Variants in MAP4 observed in about 807,000 individuals in gnomAD.
The protein encoded by MAP4 is microtubule associated protein 4.
MAP4 carries 76 observed loss-of-function variants against 170.2 expected under a neutral mutation model. The ratio of observed to expected loss-of-function variants is 0.45; its 90% confidence interval spans 0.37 to 0.54. The LOEUF is 0.54. MAP4 is among the 20% of genes least tolerant of loss of function. MAP4 has a pLI of 0.00. For synonymous variants in MAP4, 909 were observed against 994.5 expected, an observed-to-expected ratio of 0.91 and a Z score of 1.62; for missense variants, 2,506 against 2,748.0, an observed-to-expected ratio of 0.91 and a Z score of 1.97.
At chr3:48,011,163 T>C (rs2100105044) in intron 1 of MAP4, among the ~76,000 whole-genome samples, 3 of 152,258 alleles carry the variant, frequency 2.0e-5, no homozygotes, top group East Asian at 3.9e-4. Flanking sequence ...ATTCCACTAT[T>C]TGAATAACCA....
intron 1 of MAP4, among the ~76,000 whole-genome samples, chr3:48,040,087 T>C (rs1008585203): frequency 1.2e-4 from 19 of 152,142 alleles, no homozygotes; most frequent in Non-Finnish European, 2.6e-4. Context: ...TTGGAATCTC[T>C]AAGGACTACA....
rs1238942521 is a variant in MAP4, at chr3:47,916,815, T to C, written c.1012A>G (p.Thr338Ala). ...VSSAKNVVLP[T>A]ETEVAPAKDV... The stretch of plus-strand genomic sequence containing the variant: ...TTGGCTGGGGCTACCTCTGTTTCTG[T>C]GGGCAGTACCACATTCTTGGCTGAA... The change falls in exon 7 of 21, where the codon ACA becomes GCA. Residue 338 changes from threonine (T) to alanine (A), a missense_variant. Transcript: ENST00000683076. 1 of 1,614,140 alleles carries C rather than the reference T, an allele frequency of 6.2e-7. No individual in the cohort carries two copies. The highest frequency in any genetic ancestry group is 1.3e-5 in the African/African-American group (1 of 74,940).
Position 47,977,800 on chromosome 3 carries a change from G to C in MAP4, c.292+65C>G, listed in dbSNP as rs190304047. 138 of 1,055,192 alleles carry C rather than the reference G, an allele frequency of 1.3e-4. No homozygotes were observed. The Admixed American group carries it at 2.4e-3, about 18-fold the overall frequency. 65.4% of individuals were successfully genotyped at this position (1,055,192 alleles called of 1,614,324 possible). A position where few individuals can be genotyped will look rare whatever the true frequency, so the allele number is the denominator to read the frequency against. On this transcript the variant is annotated intron_variant, in intron 3 of 20. Transcript: ENST00000683076. ...TCCATTAATAATGCTCTTCAAAGGA[G>C]ATTATCAAGGTGTTCATTGTAAGTG...
intron 1 of MAP4, among the ~76,000 whole-genome samples, chr3:48,078,418 A>G (rs113833088): frequency 1.7e-4 from 26 of 151,626 alleles, no homozygotes; most frequent in Middle Eastern, 6.8e-3. Flanking sequence ...CAGCCTCCCA[A>G]ACTGCTGGGA....
chr3:47,968,753 A>G (rs115045753), intron 3 of MAP4, among the ~76,000 whole-genome samples: 4 of 152,146 alleles, frequency 2.6e-5, no homozygotes, highest in African/African-American at 9.6e-5. Flanking sequence ...TAAAGTGGAA[A>G]TAAAGGAAAC....
rs565166973 is a variant in MAP4 at position 47,935,124 on chromosome 3, T to C, written c.293-6774A>G. ...ATTATTGCTAATCCTATAATAACCA[T>C]TATGGTTTATGTAGGACAAGTGTCT... is the stretch of plus-strand genomic sequence containing the variant. On this transcript the variant is annotated intron_variant, in intron 3 of 20. Coordinates refer to ENST00000683076, the MANE Select transcript of MAP4 (RefSeq NM_001385682.1). Among the ~76,000 whole-genome samples the C allele has an allele frequency of 2.6e-5, 4 of 152,328 alleles. No homozygotes were observed. The South Asian group carries it at 6.2e-4, about 24-fold the overall frequency.
chr3:47,998,546 C>A, intron 2 of MAP4, 92 bp downstream of exon 2: 1 of 1,001,900 alleles, frequency 1.0e-6, no homozygotes, highest in South Asian at 1.5e-5. Context: ...TAAAAAAACT[C>A]AGCTCAATTC....
intron 1 of MAP4, among the ~76,000 whole-genome samples, chr3:48,077,063 C>A (rs1228267901): frequency 6.6e-6 from 1 of 152,106 alleles, no homozygotes; most frequent in African/African-American, 2.4e-5. Flanking sequence ...GGAAGAATCA[C>A]CTGAGCCCTG....
Position 47,909,339 on chromosome 3 carries a change from T to C in MAP4, c.5082A>G (p.Ser1694=). ...CTTCGACTTTGCTATGTAAGAAATC[T>C]GACTGGATTTCTGGTGTTGGCAAGG... ...SVSLPTPEIQ[S]DFLHSKVEAP... Residue 1694 remains serine, a synonymous_variant, in exon 9 of 21, where the codon TCA becomes TCG. Transcript: ENST00000683076. 2 of 1,613,912 alleles carry C rather than the reference T, an allele frequency of 1.2e-6. No homozygotes were observed. The highest frequency in any genetic ancestry group is 1.1e-5 in the South Asian group (1 of 91,086).
At chr3:47,879,591 T>A (rs2096285927) in intron 10 of MAP4, among the ~76,000 whole-genome samples, 2 of 152,152 alleles carry the variant, frequency 1.3e-5, no homozygotes, top group South Asian at 2.1e-4. Flanking sequence ...CCTACTCAGA[T>A]TTTTCACTTT....
chr3:48,049,214 TAA>T (rs1213004433), intron 1 of MAP4, among the ~76,000 whole-genome samples: 13 of 152,266 alleles, frequency 8.5e-5, no homozygotes, highest in Non-Finnish European at 1.8e-4. Flanking sequence ...CTGTTTTGAA[TAA>T]GTCTGCTATG....
At position 47,952,895 on chromosome 3, in the gene MAP4, G is replaced by A. The variant is rs919330980; in HGVS notation, c.293-24545C>T. Among the ~76,000 whole-genome samples, 8 of 151,764 alleles carry A rather than the reference G, an allele frequency of 5.3e-5. No homozygotes were observed. The East Asian group carries it at 1.4e-3, about 26-fold the overall frequency. ...GCCGAGATCGCACCATTACACTCTAGCCTGAGTGACAGAGCAAGACTCCAT... is the reference window on the plus strand; with the variant it reads ...GCCGAGATCGCACCATTACACTCTAACCTGAGTGACAGAGCAAGACTCCAT... On this transcript the variant is annotated intron_variant, in intron 3 of 20. Transcript: ENST00000683076.
intron 2 of MAP4, among the ~76,000 whole-genome samples, chr3:47,987,590 G>A (rs2100089566): frequency 6.6e-6 from 1 of 152,200 alleles, no homozygotes; most frequent in Non-Finnish European, 1.5e-5. Context: ...CCTTATCTGT[G>A]TATCCATCTT....
intron 3 of MAP4, among the ~76,000 whole-genome samples, chr3:47,969,050 T>C (rs1350203045): frequency 1.3e-5 from 2 of 152,158 alleles, no homozygotes; most frequent in East Asian, 1.9e-4. Context: ...AAAAAACGTT[T>C]GGGTGGAAAA....
rs188692779 is a variant in MAP4 at position 47,887,687 on chromosome 3, C to G, written c.5435-10164G>C. Among the ~76,000 whole-genome samples, 390 of 152,354 alleles carry G rather than the reference C, an allele frequency of 2.6e-3. 1 individual carries two copies. Among genetic ancestry groups the G allele is most frequent in the Admixed American group, 4.2e-3 (64 of 15,306 alleles). ...GCTGGGCTCCTGAGTCTGGTGGGGA[C>G]GTGGAGAGTCTTTATATCTACCTCA... On this transcript the variant is annotated intron_variant, in intron 10 of 20. Transcript: ENST00000683076.
intron 1 of MAP4, among the ~76,000 whole-genome samples, chr3:48,056,112 T>TG (rs1387060724): frequency 7.8e-4 from 75 of 96,480 alleles, no homozygotes; most frequent in East Asian, 1.8e-3. Flanking sequence ...GGGAGGGAGG[T>TG]GGGGGGGGGT....
At chr3:47,957,419 C>A (rs1306152367) in intron 3 of MAP4, among the ~76,000 whole-genome samples, 1 of 152,166 alleles carries the variant, frequency 6.6e-6, no homozygotes, top group Non-Finnish European at 1.5e-5. Flanking sequence ...AATCTGCCCG[C>A]CTCAGCCTCC....
At chr3:47,989,435 AATTGTTATTCTCACTGTTATTAGCT>A (rs1299282175) in intron 2 of MAP4, among the ~76,000 whole-genome samples, 3 of 152,222 alleles carry the variant, frequency 2.0e-5, no homozygotes, top group African/African-American at 7.2e-5. Context: ...GCTAAATAGT[AATTGTTATTCTCACTGTTATTAGCT>A]ATTGTTATTC....
intron 1 of MAP4, among the ~76,000 whole-genome samples, chr3:48,028,409 T>C (rs1269175854): frequency 6.6e-6 from 1 of 152,100 alleles, no homozygotes; most frequent in Non-Finnish European, 1.5e-5. Context: ...TGGGTTTTAG[T>C]GGCTTGGTTT....
Sources: allele counts gnomAD v4.1 joint callset (sites outside exome capture counted in the v4.1 genomes callset), GRCh38; gene constraint gnomAD v4.1.1; transcripts MANE v1.5; gene names NCBI Gene and HGNC (gene_info 2026-07-23, HGNC 2026-07-21).